The following NDST3 variants were observed in gnomAD, a reference collection of about 807,000 sequenced individuals.
NDST3 encodes the protein bifunctional heparan sulfate N-deacetylase/N-sulfotransferase 3.
NDST3 carries 58 observed loss-of-function variants against 96.1 expected under a neutral mutation model. That is an observed-to-expected ratio of 0.60 (90% CI 0.49 to 0.75). NDST3 has a LOEUF of 0.75. NDST3 is among the 30% of genes least tolerant of loss of function. The probability of loss-of-function intolerance (pLI) is 0.00; values close to 1 mark genes in which losing one functional copy is unlikely to be tolerated. For missense variants in NDST3, 788 were observed against 1,034.2 expected, an observed-to-expected ratio of 0.76 and a Z score of 3.27; for synonymous variants, 333 against 359.7, an observed-to-expected ratio of 0.93 and a Z score of 0.84.
Position 118,255,653 on chromosome 4 carries a change from C to T in NDST3, c.2563C>T (p.His855Tyr). 6.2e-7 allele frequency: 1 copy of T among 1,613,780 alleles called. No homozygotes were observed. The highest frequency in any genetic ancestry group is 8.5e-7 in the Non-Finnish European group (1 of 1,179,766). Residue 855 changes from histidine to tyrosine, a missense_variant, in exon 14 of 14, where the codon CAC becomes TAC. By Grantham distance (83) the His-to-Tyr change is moderately conservative. Around this residue, in one of 3 missense-constraint regions of NDST3, gnomAD observed 64 missense variants for 68.5 expected, o/e 0.93. Transcript: ENST00000296499. ...DHNVELSKLL[H>Y]KLGQPLPSWL... ...CAACGTGGAACTCTCAAAGCTGCTG[C>T]ACAAACTGGGTCAGCCTCTGCCATC...
chr4:118,220,616 TAAA>T (rs934429763), intron 6 of NDST3, among the ~76,000 whole-genome samples: 7 of 151,768 alleles, frequency 4.6e-5, no homozygotes, highest in Non-Finnish European at 8.8e-5. Context: ...AAAGTAAAAT[TAAA>T]AAAATAAAAT....
chr4:118,108,885 A>G (rs1339826756), intron 3 of NDST3, among the ~76,000 whole-genome samples: 1 of 107,148 alleles, frequency 9.3e-6, no homozygotes, highest in Non-Finnish European at 2.4e-5. Context: ...TATTTTAAAT[A>G]TTAACAACTG....
At chr4:118,038,196 C>T (rs916411758) in intron 1 of NDST3, among the ~76,000 whole-genome samples, 1 of 152,060 alleles carries the variant, frequency 6.6e-6, no homozygotes, top group Non-Finnish European at 1.5e-5. Flanking sequence ...AATATGTCAG[C>T]GTATTTTGAT....
At chr4:118,056,311 T>C (rs1448771790) in intron 2 of NDST3, among the ~76,000 whole-genome samples, 1 of 151,866 alleles carries the variant, frequency 6.6e-6, no homozygotes, top group East Asian at 1.9e-4. Context: ...TCCCCTAATA[T>C]TATACAAAAT....
chr4:118,059,168 C>T (rs141114717), intron 2 of NDST3, among the ~76,000 whole-genome samples: 103 of 152,168 alleles, frequency 6.8e-4, no homozygotes, highest in African/African-American at 2.4e-3. Context: ...ATGAAGAACC[C>T]GCCCAGTCAC....
chr4:118,114,735 T>C (rs1353692410), intron 3 of NDST3, 71 bp from the exon 4 acceptor site: 8 of 1,465,268 alleles, frequency 5.5e-6, no homozygotes, highest in African/African-American at 1.4e-5. Flanking sequence ...AAAGATTAAA[T>C]AGATAAGTAG....
chr4:118,091,391 T>C, intron 2 of NDST3, among the ~76,000 whole-genome samples: 1 of 151,978 alleles, frequency 6.6e-6, no homozygotes, highest in Middle Eastern at 3.4e-3. Flanking sequence ...AATATTTTTC[T>C]TTGTAGAAAC....
chr4:118,068,069 G>T (rs1363942734), intron 2 of NDST3, among the ~76,000 whole-genome samples: 1 of 150,724 alleles, frequency 6.6e-6, no homozygotes, highest in Non-Finnish European at 1.5e-5. Context: ...TTTCTCTATT[G>T]TAATTGAATG....
intron 6 of NDST3, among the ~76,000 whole-genome samples, chr4:118,169,760 C>T (rs1263286269): frequency 1.3e-5 from 2 of 150,892 alleles, no homozygotes; most frequent in African/African-American, 4.9e-5. Context: ...GGCCACTGCA[C>T]TCCAGCCTGG....
chr4:118,052,717 A>C (rs1212617371), intron 1 of NDST3, among the ~76,000 whole-genome samples: 3 of 151,954 alleles, frequency 2.0e-5, no homozygotes, highest in African/African-American at 7.2e-5. Context: ...ACCTTCATGC[A>C]CTCAAAATAC....
rs1740416992 is a variant in NDST3 at position 118,233,091 on chromosome 4, G to A, written c.1899G>A (p.Glu633=). The change falls in exon 9 of 14, where the codon GAG becomes GAA. Residue 633 remains glutamate (E), a synonymous_variant. Transcript: ENST00000296499. ...CCCCCAGCCCAAAAACCTTTGAGGA[G>A]GTACAGTTCTTTAATAGAAATAACT... ...SNSPSPKTFE[E]VQFFNRNNYH... 1 of 1,612,924 alleles carries A rather than the reference G, an allele frequency of 6.2e-7. No individual in the cohort carries two copies. The highest frequency in any genetic ancestry group is 8.5e-7 in the Non-Finnish European group (1 of 1,179,040).
intron 4 of NDST3, among the ~76,000 whole-genome samples, chr4:118,117,434 T>C (rs1731215416): frequency 2.6e-5 from 4 of 152,222 alleles, no homozygotes; most frequent in Admixed American, 2.6e-4. Flanking sequence ...GTTTACTTTG[T>C]ATTGGGATGG....
intron 2 of NDST3, among the ~76,000 whole-genome samples, chr4:118,078,740 C>T (rs1727782222): frequency 1.5e-5 from 1 of 65,454 alleles, no homozygotes. Flanking sequence ...CAGAGCCAGA[C>T]TCTGAAAAAA....
intron 1 of NDST3, among the ~76,000 whole-genome samples, chr4:118,046,091 T>C (rs1011479522): frequency 5.3e-5 from 8 of 151,904 alleles, no homozygotes; most frequent in Admixed American, 5.3e-4. Flanking sequence ...TAGATGGAGA[T>C]GCAATGCAGA....
chr4:118,121,675 G>C (rs1475587516), intron 4 of NDST3, among the ~76,000 whole-genome samples: 2 of 100,902 alleles, frequency 2.0e-5, no homozygotes, highest in Non-Finnish European at 5.1e-5. Flanking sequence ...TCAGATGGAT[G>C]ATGAGGAAGC....
intron 3 of NDST3, among the ~76,000 whole-genome samples, chr4:118,106,996 A>G (rs976313917): frequency 2.0e-5 from 3 of 152,160 alleles, no homozygotes. Flanking sequence ...AGGCTGAGGC[A>G]GGAGAATGGC....
At position 118,079,264 on chromosome 4, in the gene NDST3, G is replaced by A. The variant is rs145464503; in HGVS notation, c.981+24373G>A. Reference sequence around the variant, plus strand: ...CTGAGCAAATAAAATAATCTTATAGGAATAAGAGAGCTACGAAGAAAATGA... The same window carrying A: ...CTGAGCAAATAAAATAATCTTATAGAAATAAGAGAGCTACGAAGAAAATGA... On this transcript the variant is annotated intron_variant, in intron 2 of 13. Coordinates refer to ENST00000296499, the MANE Select transcript of NDST3 (RefSeq NM_004784.3). Among the ~76,000 whole-genome samples, 56 of 152,260 alleles carry A rather than the reference G, an allele frequency of 3.7e-4. No individual in the cohort carries two copies. In the East Asian group the frequency reaches 8.7e-3, roughly 24 times the overall value.
chr4:118,108,343 T>C (rs142761140), intron 3 of NDST3, among the ~76,000 whole-genome samples: 4 of 152,364 alleles, frequency 2.6e-5, no homozygotes, highest in African/African-American at 9.6e-5. Context: ...TTATAACATA[T>C]ATGTGTGTTA....
At chr4:118,165,075 C>T (rs1328423020) in intron 6 of NDST3, among the ~76,000 whole-genome samples, 1 of 151,866 alleles carries the variant, frequency 6.6e-6, no homozygotes, top group African/African-American at 2.4e-5. Flanking sequence ...TAAGTGCTTC[C>T]CTATCAGTAG....
Sources: allele counts gnomAD v4.1 joint callset (sites outside exome capture counted in the v4.1 genomes callset), GRCh38; gene constraint gnomAD v4.1.1; regional missense constraint gnomAD v4.1.1; transcripts MANE v1.5; gene names NCBI Gene and HGNC (gene_info 2026-07-23, HGNC 2026-07-21).